The following LYPD6 variants were observed in gnomAD, a reference collection of about 807,000 sequenced individuals.
LYPD6 encodes the protein ly6/PLAUR domain-containing protein 6.
A neutral mutation model predicts 22.7 loss-of-function variants in LYPD6; 15 were observed. The ratio of observed to expected loss-of-function variants is 0.66; its 90% CI spans 0.44 to 1.02. The LOEUF (loss-of-function observed/expected upper bound fraction) is 1.02. Ranked by LOEUF, LYPD6 falls within the 50% of genes least tolerant of loss-of-function variation. The probability of loss-of-function intolerance (pLI) is 0.00; values close to 1 mark genes in which losing one functional copy is unlikely to be tolerated. For synonymous variants in LYPD6, 72 were observed against 77.5 expected, an observed-to-expected ratio of 0.93 and a Z score of 0.37; for missense variants, 189 against 208.4, an observed-to-expected ratio of 0.91 and a Z score of 0.57.
intron 1 of LYPD6, among the ~76,000 whole-genome samples, chr2:149,382,157 G>C (rs934999526): frequency 6.6e-6 from 1 of 152,138 alleles, no homozygotes; most frequent in Non-Finnish European, 1.5e-5. Flanking sequence ...GTTAATGGAA[G>C]TTTTGGTTGC....
At chr2:149,336,163 A>G (rs536825036) in intron 1 of LYPD6, among the ~76,000 whole-genome samples, 1 of 152,348 alleles carries the variant, frequency 6.6e-6, no homozygotes, top group South Asian at 2.1e-4. Flanking sequence ...GGAGATCAAT[A>G]GGTATATCTC....
At chr2:149,330,408 G>A (rs1280706797), upstream of LYPD6, 4 of 150,762 alleles carry the variant, frequency 2.7e-5, no homozygotes, top group Non-Finnish European at 5.9e-5. Context: ...GAGTTGGGCC[G>A]CGCGCGCCGG....
intron 1 of LYPD6, among the ~76,000 whole-genome samples, chr2:149,392,796 C>T (rs141553448): frequency 0.024 from 3,608 of 152,154 alleles, 136 homozygotes; most frequent in African/African-American, 0.082. Context: ...GAGGCTGAGG[C>T]GGCCGGATCA....
intron 1 of LYPD6, among the ~76,000 whole-genome samples, chr2:149,336,734 C>T (rs927179703): frequency 1.3e-5 from 2 of 152,084 alleles, no homozygotes; most frequent in African/African-American, 2.4e-5. Flanking sequence ...CTAGATTAAA[C>T]ACATATTCTT....
At chr2:149,481,006 C>A in the LYPD6 span, among the ~76,000 whole-genome samples, 2 of 152,222 alleles carry the variant, frequency 1.3e-5, no homozygotes, top group African/African-American at 4.8e-5. Flanking sequence ...GCATCTGTCA[C>A]CTCCCTTCCA....
At chr2:149,370,707 A>T (rs974373062) in intron 1 of LYPD6, 2 of 152,234 alleles carry the variant, frequency 1.3e-5, no homozygotes, top group Non-Finnish European at 2.9e-5. Context: ...ACAATTCCTA[A>T]GTAAGTTCAA....
chr2:149,352,387 AG>A (rs1173748632), intron 1 of LYPD6, among the ~76,000 whole-genome samples: 2 of 152,176 alleles, frequency 1.3e-5, no homozygotes, highest in Non-Finnish European at 2.9e-5. Context: ...AGAATGATTT[AG>A]GAGAGGACAG....
chr2:149,367,412 G>A (rs1681699988), intron 1 of LYPD6, among the ~76,000 whole-genome samples: 1 of 152,148 alleles, frequency 6.6e-6, no homozygotes, highest in Admixed American at 6.5e-5. Flanking sequence ...GCCAGCAAGA[G>A]ATAGTCTGCT....
intron 1 of LYPD6, among the ~76,000 whole-genome samples, chr2:149,421,389 CA>C (rs771199025): frequency 0.28 from 18,625 of 67,422 alleles, 1,076 homozygotes; most frequent in Middle Eastern, 0.32. Context: ...GACTCCATCT[CA>C]AAAAAAAAAA....
intron 1 of LYPD6, among the ~76,000 whole-genome samples, chr2:149,353,882 G>A (rs1681403430): frequency 6.6e-6 from 1 of 152,028 alleles, no homozygotes; most frequent in South Asian, 2.1e-4. Flanking sequence ...GGAAACAGTG[G>A]GCCTGTAACA....
intron 1 of LYPD6, among the ~76,000 whole-genome samples, chr2:149,357,348 CAT>C (rs3072465): frequency 0.033 from 5,032 of 152,298 alleles, 260 homozygotes; most frequent in African/African-American, 0.11. Flanking sequence ...GATTTGGACA[CAT>C]AGTCTCCTGA....
At chr2:149,422,073 G>A (rs2105133542) in intron 1 of LYPD6, among the ~76,000 whole-genome samples, 1 of 152,254 alleles carries the variant, frequency 6.6e-6, no homozygotes, top group East Asian at 1.9e-4. Context: ...TGAATGGAAA[G>A]CAAACGTTCC....
chr2:149,382,573 A>G (rs1425352396), intron 1 of LYPD6, among the ~76,000 whole-genome samples: 2 of 152,068 alleles, frequency 1.3e-5, no homozygotes, highest in Non-Finnish European at 1.5e-5. Context: ...CCTCATGTTG[A>G]CGTCAGTCAG....
intron 4 of LYPD6, 80 bp downstream of exon 4, chr2:149,468,855 A>G: frequency 6.9e-7 from 1 of 1,455,960 alleles, no homozygotes; most frequent in South Asian, 1.2e-5. Flanking sequence ...TCATGAGCAG[A>G]TTCTTACTCC....
the LYPD6 span, among the ~76,000 whole-genome samples, chr2:149,481,181 T>C: frequency 1.3e-5 from 2 of 152,110 alleles, no homozygotes; most frequent in Non-Finnish European, 2.9e-5. Context: ...AGTAGACCCA[T>C]AAAATGAGGA....
chr2:149,379,828 G>A (rs1453405127), intron 1 of LYPD6, among the ~76,000 whole-genome samples: 1 of 152,224 alleles, frequency 6.6e-6, no homozygotes, highest in Non-Finnish European at 1.5e-5. Context: ...GTTTACAGCA[G>A]TGAACAAACA....
intron 1 of LYPD6, among the ~76,000 whole-genome samples, chr2:149,418,368 C>T (rs754124988): frequency 1.2e-4 from 19 of 152,056 alleles, no homozygotes; most frequent in Non-Finnish European, 2.2e-4. Flanking sequence ...GGGCATAGAC[C>T]ATATAATGTA....
At chr2:149,398,818 G>A (rs1026377241) in intron 1 of LYPD6, among the ~76,000 whole-genome samples, 4 of 152,164 alleles carry the variant, frequency 2.6e-5, no homozygotes, top group Non-Finnish European at 5.9e-5. Flanking sequence ...GGATAGAGGA[G>A]AAGGTTTAAT....
rs940323986 is a variant in LYPD6 at position 149,471,920 on chromosome 2, A to G, written c.*1070A>G. 6.6e-6 allele frequency: 1 copy of G among 152,610 alleles called. No homozygotes were observed. The highest frequency in any genetic ancestry group is 1.5e-5 in the Non-Finnish European group (1 of 68,040). 9.5% of individuals were successfully genotyped at this position (152,610 alleles called of 1,614,324 possible). A position where few individuals can be genotyped will look rare whatever the true frequency, so the allele number is the denominator to read the frequency against. On this transcript the variant is annotated 3_prime_UTR_variant, in exon 5 of 5. Transcript: ENST00000334166. ...TCGAATGATGGGGAAGCAAGGCATA[A>G]TATGCGATGATGAGGAGAAAGTAGA...
Sources: gnomAD v4.1 joint callset for allele counts (sites outside exome capture counted in the v4.1 genomes callset) on GRCh38, gnomAD v4.1.1 for gene constraint, MANE v1.5 for transcripts, NCBI Gene and HGNC (gene_info 2026-07-23, HGNC 2026-07-21) for gene names.